Variants in CES2 observed in about 807,000 individuals in gnomAD.
The protein encoded by CES2 is carboxylesterase 2, also known as cocaine esterase.
A neutral mutation model predicts 52.1 loss-of-function variants in CES2; 42 were observed. That is an observed-to-expected ratio of 0.81 (90% CI 0.63 to 1.04). The LOEUF (loss-of-function observed/expected upper bound fraction) is 1.04, where lower values mean the gene tolerates loss of function less well. Ranked by LOEUF, CES2 falls within the 50% of genes least tolerant of loss-of-function variation. The pLI, the probability that CES2 is intolerant of heterozygous loss-of-function variation, is 0.00. For synonymous variants in CES2, 277 were observed against 289.6 expected, an observed-to-expected ratio of 0.96 and a Z score of 0.44; for missense variants, 656 against 724.3, an observed-to-expected ratio of 0.91 and a Z score of 1.08.
chr16:66,944,096 C>A lies in CES2; in HGVS notation c.*71C>A. On this transcript the variant is annotated 3_prime_UTR_variant, in exon 12 of 12. Transcript: ENST00000317091. The stretch of plus-strand genomic sequence containing the variant: ...GTCAGCCTGCTGTGCCCACACACAC[C>A]CACTAAGGAGAAAGAAGTTGATTCC... 1.4e-6 allele frequency: 1 copy of A among 711,718 alleles called. No individual in the cohort carries two copies. The highest frequency in any genetic ancestry group is 2.2e-6 in the Non-Finnish European group (1 of 458,622). 44.1% of individuals were successfully genotyped at this position (711,718 alleles called of 1,614,324 possible).
chr16:66,942,045 A>T (rs573032139), intron 8 of CES2, 60 bp from the exon 9 acceptor site: 1 of 1,559,070 alleles, frequency 6.4e-7, no homozygotes, highest in African/African-American at 1.4e-5. Flanking sequence ...GCCCGAGACC[A>T]CCTCCTCCCT....
Position 66,941,154 on chromosome 16 carries a change from G to A in CES2, c.847G>A (p.Val283Ile). The A allele has an allele frequency of 6.2e-7, 1 of 1,614,174 alleles. No individual in the cohort carries two copies. The highest frequency in any genetic ancestry group is 8.5e-7 in the Non-Finnish European group (1 of 1,180,008). The change falls in exon 6 of 12, where the codon GTT becomes ATT. Residue 283 changes from valine (V) to isoleucine (I), a missense_variant. Coordinates refer to ENST00000317091, the MANE Select transcript of CES2 (RefSeq NM_001365405.1). ...GGCCAACCTGTCTGCCTGTGACCAAGTTGACTCTGAGGCCCTGGTGGGCTG... is the reference window on the plus strand; with the variant it reads ...GGCCAACCTGTCTGCCTGTGACCAAATTGACTCTGAGGCCCTGGTGGGCTG... The part of the protein sequence containing the change: ...VVANLSACDQ[V>I]DSEALVGCLR...
At chr16:66,936,382 G>T (rs1963217270) in intron 1 of CES2, among the ~76,000 whole-genome samples, 1 of 152,150 alleles carries the variant, frequency 6.6e-6, no homozygotes, top group Non-Finnish European at 1.5e-5. Flanking sequence ...GAAATTAGTG[G>T]GCTGTGGTGG....
In CES2 at chr16:66,943,898, T is replaced by G. The variant is rs1963422687; in HGVS notation, c.1553T>G (p.Leu518Arg). 1 of 1,610,162 alleles carries G rather than the reference T, an allele frequency of 6.2e-7. No individual in the cohort carries two copies. The highest frequency in any genetic ancestry group is 1.7e-5 in the Admixed American group (1 of 59,922). ...CTGTTCGACCAGGAGGAGCAATACC[T>G]GCAGCTGAACCTACAGCCTGCGGTG... ...WPLFDQEEQY[L>R]QLNLQPAVGR... The change falls in exon 12 of 12, where the codon CTG (leucine) becomes CGG (arginine). Residue 518 changes from leucine (L) to arginine (R), a missense_variant. Transcript: ENST00000317091. This position sits in a 1 kb window ranked among gnomAD's most constrained non-coding sequence, Gnocchi z 4.2.
At chr16:66,939,813 C>G (rs972712547) in intron 3 of CES2, among the ~76,000 whole-genome samples, 1 of 152,252 alleles carries the variant, frequency 6.6e-6, no homozygotes, top group Non-Finnish European at 1.5e-5. Flanking sequence ...ATGATCCTCT[C>G]AGATTAGCCT....
In CES2 at chr16:66,944,039, G is replaced by A. The variant is rs746608323; in HGVS notation, c.*14G>A. 1 of 1,424,534 alleles carries A rather than the reference G, an allele frequency of 7.0e-7. No homozygotes were observed. Among genetic ancestry groups the A allele is most frequent in the South Asian group, 1.4e-5 (1 of 71,526 alleles). 88.2% of individuals were successfully genotyped at this position (1,424,534 alleles called of 1,614,324 possible). The stretch of plus-strand genomic sequence containing the variant: ...ACAGAGCTGTAGCTCCCTGTGCCGG[G>A]GAGGAGGGGGTGGGTTCGCTGACAG... On this transcript the variant is annotated 3_prime_UTR_variant, in exon 12 of 12. Transcript: ENST00000317091.
chr16:66,935,594 C>T lies in CES2; in HGVS notation c.-42C>T. On this transcript the variant is annotated 5_prime_UTR_variant, in exon 1 of 12. Transcript: ENST00000317091. ...CCCGGGGCAGCCTCTGGGTGAACAG[C>T]AGCGTGTCCGCCGGCAGCGAACCGA... 1 of 1,612,080 alleles carries T rather than the reference C, an allele frequency of 6.2e-7. No individual in the cohort carries two copies. The highest frequency in any genetic ancestry group is 8.5e-7 in the Non-Finnish European group (1 of 1,180,002).
intron 1 of CES2, among the ~76,000 whole-genome samples, chr16:66,936,398 G>T (rs1274409916): frequency 2.6e-5 from 4 of 152,142 alleles, no homozygotes; most frequent in Admixed American, 2.6e-4. Context: ...GGTGGTCTGT[G>T]ACCTGTAGTC....
In CES2 at chr16:66,943,408, G is replaced by T; in HGVS notation, c.1493+37G>T. Reference sequence around the variant, plus strand: ...CACCCCTGCCTCAACCTCCCCGATTGGGGGACTTGTGCCCATCCAGTGCTC... The same window carrying T: ...CACCCCTGCCTCAACCTCCCCGATTTGGGGACTTGTGCCCATCCAGTGCTC... On this transcript the variant is annotated intron_variant, in intron 11 of 11. Transcript: ENST00000317091. This position sits in a 1 kb window ranked among gnomAD's most constrained non-coding sequence, Gnocchi z 4.2. 1.2e-6 allele frequency: 2 copies of T among 1,609,426 alleles called. No homozygotes were observed. The highest frequency in any genetic ancestry group is 1.7e-6 in the Non-Finnish European group (2 of 1,175,992).
At position 66,943,501 on chromosome 16, in the gene CES2, C is replaced by A. The variant is rs1323411068; in HGVS notation, c.1493+130C>A. On this transcript the variant is annotated intron_variant, in intron 11 of 11. Coordinates refer to ENST00000317091, the MANE Select transcript of CES2 (RefSeq NM_001365405.1). This position sits in a 1 kb window ranked among gnomAD's most constrained non-coding sequence, Gnocchi z 4.2. ...TCACATGATGGCCCCTTCCCCAGCT[C>A]CGGGACCCACTCAGACAGGGTGGGG... 8.6e-6 allele frequency: 8 copies of A among 928,076 alleles called. No individual in the cohort carries two copies. Among genetic ancestry groups the A allele is most frequent in the Non-Finnish European group, 1.3e-5 (8 of 599,030 alleles). The allele number at this position is 928,076 out of a possible 1,614,324, so 57.5% of individuals were successfully genotyped here.
chr16:66,938,193 C>T lies in CES2; in HGVS notation c.233C>T (p.Pro78Leu). Residue 78 changes from proline (P) to leucine (L), a missense_variant, in exon 2 of 12, where the codon CCC (proline) becomes CTC (leucine). By Grantham distance (98) the Pro-to-Leu change is moderately conservative (BLOSUM62 -3). Transcript: ENST00000317091. ...LGPLRFAPPE[P>L]PESWSGVRDG... ...CCGCTGCGATTTGCACCCCCTGAGC[C>T]CCCTGAATCTTGGAGTGGTGTGAGG... 1 of 1,614,170 alleles carries T rather than the reference C, an allele frequency of 6.2e-7. No homozygotes were observed. The highest frequency in any genetic ancestry group is 8.5e-7 in the Non-Finnish European group (1 of 1,180,036).
In CES2 at chr16:66,943,977, A is replaced by G. The variant is rs774690902; in HGVS notation, c.1632A>G (p.Gln544=). The G allele has an allele frequency of 6.9e-6, 11 of 1,597,770 alleles. No homozygotes were observed. The highest frequency in any genetic ancestry group is 9.4e-6 in the Non-Finnish European group (11 of 1,169,244). ...AGTTCTGGAAGAAGGCGCTGCCCCA[A>G]AAGATCCAGGAGCTCGAGGAGCCTG... ...RLQFWKKALP[Q]KIQELEEPEE... is the part of the protein sequence containing the mutation. The change falls in exon 12 of 12, where the codon CAA becomes CAG. Residue 544 remains glutamine, a synonymous_variant. Coordinates refer to ENST00000317091, the MANE Select transcript of CES2 (RefSeq NM_001365405.1). This position sits in a 1 kb window ranked among gnomAD's most constrained non-coding sequence, Gnocchi z 4.2.
chr16:66,940,613 G>A lies in CES2; in HGVS notation c.734G>A (p.Gly245Glu). 1 of 1,614,220 alleles carries A rather than the reference G, an allele frequency of 6.2e-7. No individual in the cohort carries two copies. Among genetic ancestry groups the A allele is most frequent in the South Asian group, 1.1e-5 (1 of 91,088 alleles). Residue 245 changes from glycine to glutamate, a missense_variant, in exon 5 of 12, where the codon GGA (glycine) becomes GAA (glutamate). Gly to Glu is a moderately conservative substitution (Grantham distance 98). Coordinates refer to ENST00000317091, the MANE Select transcript of CES2 (RefSeq NM_001365405.1). Reference sequence around the variant, plus strand: ...CTTGTTGTGTCCCCCATATCCCAAGGACTCTTCCACGGAGCCATCATGGAG... The same window carrying A: ...CTTGTTGTGTCCCCCATATCCCAAGAACTCTTCCACGGAGCCATCATGGAG... ...SSLVVSPISQGLFHGAIMESG... is the reference protein window; with the variant it reads ...SSLVVSPISQELFHGAIMESG...
rs1324035259 is a variant in CES2, at chr16:66,935,631, C to T, written c.-5C>T. Reference sequence around the variant, plus strand: ...CGGCAGCGAACCGAGACCAGCGAGCCGACCATGCGGCTGCACAGACTTCGT... The same window carrying T: ...CGGCAGCGAACCGAGACCAGCGAGCTGACCATGCGGCTGCACAGACTTCGT... On this transcript the variant is annotated 5_prime_UTR_variant, in exon 1 of 12. Transcript: ENST00000317091. The T allele has an allele frequency of 1.2e-6, 2 of 1,606,674 alleles. No homozygotes were observed. The highest frequency in any genetic ancestry group is 1.3e-5 in the African/African-American group (1 of 74,944).
Position 66,937,980 on chromosome 16 carries a change from T to C in CES2, c.77-57T>C, listed in dbSNP as rs553946309. Reference sequence around the variant, plus strand: ...GGCAAGGAAGCAGCAATACCAACAGTTGGGAGGGCAGTCGATTGGTCAAAC... The same window carrying C: ...GGCAAGGAAGCAGCAATACCAACAGCTGGGAGGGCAGTCGATTGGTCAAAC... On this transcript the variant is annotated intron_variant, in intron 1 of 11. Transcript: ENST00000317091. 1.1e-4 allele frequency: 153 copies of C among 1,423,476 alleles called. 2 individuals carry two copies. The South Asian group carries it at 1.2e-3, about 11-fold the overall frequency. The allele number at this position is 1,423,476 out of a possible 1,614,324, so 88.2% of individuals were successfully genotyped here.
chr16:66,939,733 C>T (rs1963309665), intron 3 of CES2, among the ~76,000 whole-genome samples: 1 of 152,264 alleles, frequency 6.6e-6, no homozygotes, highest in South Asian at 2.1e-4. Flanking sequence ...TTAGAGATGG[C>T]ATCATGCTCT....
At chr16:66,941,331 G>A (rs1597009024) in intron 6 of CES2, 109 bp downstream of exon 6, 2 of 1,532,004 alleles carry the variant, frequency 1.3e-6, no homozygotes, top group East Asian at 2.4e-5. Context: ...CTGCATGCCT[G>A]AGTGTCATAG....
At chr16:66,934,724 C>T (rs67575372), upstream of CES2, 23 of 243,890 alleles carry the variant, frequency 9.4e-5, no homozygotes, top group African/African-American at 5.0e-4. The surrounding 1 kb of genome is among the most constrained non-coding windows in gnomAD (Gnocchi z 4.1). Flanking sequence ...CGGGAGCTCC[C>T]GTATCCAGGA....
intron 5 of CES2, 96 bp from the exon 6 acceptor site, chr16:66,941,028 G>A: frequency 1.3e-6 from 2 of 1,537,354 alleles, no homozygotes; most frequent in Non-Finnish European, 8.8e-7. Flanking sequence ...AGTACCCTCT[G>A]AGATTTGGGG....
Sources: gnomAD v4.1 joint callset for allele counts (sites outside exome capture counted in the v4.1 genomes callset) on GRCh38, gnomAD v4.1.1 for gene constraint, Gnocchi (gnomAD v3.1) non-coding constraint, MANE v1.5 for transcripts, NCBI Gene and HGNC (gene_info 2026-07-23, HGNC 2026-07-21) for gene names.